CSTPP1: variants seen among roughly 807,000 people sequenced by gnomAD.
The protein encoded by CSTPP1 is centriolar satellite-associated tubulin polyglutamylase complex regulator 1.
chr11:47,027,513 A>C, the CSTPP1 span, among the ~76,000 whole-genome samples: 1 of 152,310 alleles, frequency 6.6e-6, no homozygotes, highest in South Asian at 2.1e-4. Flanking sequence ...CGGCTATTTT[A>C]AGAAAGTTCT....
chr11:47,043,241 T>C, the CSTPP1 span, among the ~76,000 whole-genome samples: 1 of 152,134 alleles, frequency 6.6e-6, no homozygotes, highest in African/African-American at 2.4e-5. Flanking sequence ...GAGAAATGGC[T>C]TACATAAAAC....
At chr11:47,054,856 G>C in the CSTPP1 span, among the ~76,000 whole-genome samples, 3 of 150,094 alleles carry the variant, frequency 2.0e-5, no homozygotes, top group Admixed American at 2.0e-4. Context: ...TAATTTCCAA[G>C]TTTTTGGCTT....
At chr11:47,028,649 A>G in the CSTPP1 span, among the ~76,000 whole-genome samples, 950 of 152,312 alleles carry the variant, frequency 6.2e-3, 13 homozygotes, top group African/African-American at 0.022. Flanking sequence ...TCTGTAACAT[A>G]GACTAGCTGA....
the CSTPP1 span, among the ~76,000 whole-genome samples, chr11:47,140,008 C>A: frequency 1.3e-5 from 2 of 152,140 alleles, no homozygotes; most frequent in Admixed American, 1.3e-4. Context: ...CCAACCAGCT[C>A]CTCTATTGAC....
the CSTPP1 span, among the ~76,000 whole-genome samples, chr11:47,033,411 G>C: frequency 1.3e-5 from 2 of 152,184 alleles, no homozygotes; most frequent in Admixed American, 6.5e-5. Flanking sequence ...TTCTGGCCCT[G>C]CTTCTGTGTC....
At chr11:47,060,495 C>T in the CSTPP1 span, among the ~76,000 whole-genome samples, 1 of 152,044 alleles carries the variant, frequency 6.6e-6, no homozygotes, top group Non-Finnish European at 1.5e-5. Context: ...GCCTCAGCCT[C>T]CCAAAGTGCT....
the CSTPP1 span, among the ~76,000 whole-genome samples, chr11:46,965,051 C>T: frequency 3.3e-5 from 5 of 151,718 alleles, no homozygotes; most frequent in Non-Finnish European, 7.4e-5. Flanking sequence ...CTGGGGGGGT[C>T]GATTTCTATG....
chr11:46,944,945 C>T, the CSTPP1 span, among the ~76,000 whole-genome samples: 1 of 152,190 alleles, frequency 6.6e-6, no homozygotes, highest in African/African-American at 2.4e-5. Context: ...GAGGTTAATA[C>T]AACTTCTTTA....
chr11:47,003,117 C>T, the CSTPP1 span, among the ~76,000 whole-genome samples: 5 of 152,294 alleles, frequency 3.3e-5, no homozygotes, highest in Admixed American at 3.3e-4. Context: ...TGAGGCCATC[C>T]TGGGCAACAC....
the CSTPP1 span, among the ~76,000 whole-genome samples, chr11:47,065,466 T>C: frequency 6.6e-6 from 1 of 152,030 alleles, no homozygotes; most frequent in South Asian, 2.1e-4. Context: ...CTTTTAGAGA[T>C]GAGGTCTCAC....
chr11:46,957,690 T>A, the CSTPP1 span, among the ~76,000 whole-genome samples: 1 of 152,222 alleles, frequency 6.6e-6, no homozygotes, highest in African/African-American at 2.4e-5. Context: ...TCTTGAATTA[T>A]GTGTTTAATA....
At chr11:47,014,613 G>C in the CSTPP1 span, among the ~76,000 whole-genome samples, 1 of 151,938 alleles carries the variant, frequency 6.6e-6, no homozygotes, top group Non-Finnish European at 1.5e-5. Context: ...TGAGGCAGGA[G>C]AATCACACTT....
the CSTPP1 span, among the ~76,000 whole-genome samples, chr11:47,053,357 G>T: frequency 6.6e-6 from 1 of 152,114 alleles, no homozygotes; most frequent in Admixed American, 6.5e-5. Flanking sequence ...CAGTGGCTCA[G>T]CCTGTAATCC....
the CSTPP1 span, among the ~76,000 whole-genome samples, chr11:46,985,669 T>C: frequency 6.6e-6 from 1 of 152,258 alleles, no homozygotes; most frequent in African/African-American, 2.4e-5. Context: ...TGTTGTTTAC[T>C]GAGTAAACTC....
the CSTPP1 span, among the ~76,000 whole-genome samples, chr11:47,084,441 A>C: frequency 6.6e-6 from 1 of 152,046 alleles, no homozygotes; most frequent in Non-Finnish European, 1.5e-5. Context: ...TTCTGGGTCC[A>C]GTCTAAAAAA....
chr11:46,970,257 C>T, the CSTPP1 span, among the ~76,000 whole-genome samples: 6,054 of 151,822 alleles, frequency 0.04, 189 homozygotes, highest in Non-Finnish European at 0.062. Context: ...GCAAATGATA[C>T]ACAATTGAGA....
chr11:47,148,792 T>C, the CSTPP1 span, among the ~76,000 whole-genome samples: 1 of 152,180 alleles, frequency 6.6e-6, no homozygotes, highest in East Asian at 1.9e-4. Flanking sequence ...GGAACTATGA[T>C]TATATCCTCT....
the CSTPP1 span, among the ~76,000 whole-genome samples, chr11:46,976,231 T>A: frequency 2.0e-5 from 3 of 152,230 alleles, no homozygotes; most frequent in Non-Finnish European, 4.4e-5. Context: ...AAAGCATTTG[T>A]AGCTTTAATC....
At chr11:47,122,069 C>CAAA in the CSTPP1 span, among the ~76,000 whole-genome samples, 246 of 21,978 alleles carry the variant, frequency 0.011, 11 homozygotes, top group Middle Eastern at 0.071. Context: ...GACCCTGTCT[C>CAAA]AAAAAAAAAA....
Sources: gnomAD v4.1 joint callset for allele counts (sites outside exome capture counted in the v4.1 genomes callset) on GRCh38, gnomAD v4.1.1 for gene constraint, MANE v1.5 for transcripts, NCBI Gene and HGNC (gene_info 2026-07-23, HGNC 2026-07-21) for gene names.